ATRNL1: variants seen among roughly 807,000 people sequenced by gnomAD.
The protein encoded by ATRNL1 is attractin like 1.
A neutral mutation model predicts 182.7 loss-of-function variants in ATRNL1; 95 were observed. The ratio of observed to expected loss-of-function variants is 0.52; its 90% CI spans 0.44 to 0.62. The LOEUF (loss-of-function observed/expected upper bound fraction) is 0.62. Ranked by LOEUF, ATRNL1 falls within the 20% of genes least tolerant of loss-of-function variation. The pLI, the probability that ATRNL1 is intolerant of heterozygous loss-of-function variation, is 0.00. For missense variants in ATRNL1, 1,471 were observed against 1,679.5 expected (o/e 0.88, Z 2.17); for synonymous variants, 576 against 568.3 (o/e 1.01, Z -0.19).
intron 5 of ATRNL1, among the ~76,000 whole-genome samples, chr10:115,157,849 T>C (rs1170421087): frequency 6.6e-6 from 1 of 152,112 alleles, no homozygotes; most frequent in Non-Finnish European, 1.5e-5. Context: ...TTCTGCAGTA[T>C]TTTGCTTTAA....
chr10:115,512,222 G>A (rs1219186277), intron 24 of ATRNL1, among the ~76,000 whole-genome samples: 1 of 151,856 alleles, frequency 6.6e-6, no homozygotes, highest in African/African-American at 2.4e-5. Flanking sequence ...CCCATACCCT[G>A]AGAAGATATA....
chr10:115,358,862 T>A (rs1210963225), intron 19 of ATRNL1, among the ~76,000 whole-genome samples: 2 of 151,700 alleles, frequency 1.3e-5, no homozygotes, highest in Non-Finnish European at 3.0e-5. Flanking sequence ...GTCCTACTTA[T>A]GTCTATTATT....
intron 9 of ATRNL1, among the ~76,000 whole-genome samples, chr10:115,224,030 G>C (rs1849598264): frequency 6.7e-6 from 1 of 148,370 alleles, no homozygotes; most frequent in East Asian, 2.0e-4. Flanking sequence ...CTGCCTCTCA[G>C]GTTCAAGCAA....
At chr10:115,820,860 C>T (rs541544877) in intron 27 of ATRNL1, among the ~76,000 whole-genome samples, 1 of 152,208 alleles carries the variant, frequency 6.6e-6, no homozygotes, top group East Asian at 1.9e-4. Flanking sequence ...CAAATCTCAT[C>T]TTGAATTGTA....
intron 27 of ATRNL1, among the ~76,000 whole-genome samples, chr10:115,770,357 A>G (rs1948959659): frequency 6.6e-6 from 1 of 152,162 alleles, no homozygotes; most frequent in Non-Finnish European, 1.5e-5. Flanking sequence ...GTACAGCAAT[A>G]AAACTCAAAG....
At chr10:115,727,398 A>G in intron 27 of ATRNL1, 43 bp downstream of exon 27, 1 of 1,424,126 alleles carries the variant, frequency 7.0e-7, no homozygotes, top group Non-Finnish European at 9.9e-7. Flanking sequence ...TGCTTTGCAT[A>G]TTTATTATAT....
At chr10:115,269,973 T>C (rs138124013) in intron 13 of ATRNL1, among the ~76,000 whole-genome samples, 1 of 152,098 alleles carries the variant, frequency 6.6e-6, no homozygotes, top group African/African-American at 2.4e-5. Flanking sequence ...TCTGTTGTTA[T>C]ATACTTTCCA....
rs139606033 is a variant in ATRNL1 at position 115,099,565 on chromosome 10, T to TTCTA, written c.293+5527_293+5530dup. ...TGTTCCCACCAGCAGTGAGTCAGTG[T>TTCTA]TCTATCTAGTTAATTTCACATCCAT... On this transcript the variant is annotated intron_variant, in intron 1 of 28. Coordinates refer to ENST00000355044, the MANE Select transcript of ATRNL1 (RefSeq NM_207303.4). Among the ~76,000 whole-genome samples, 1,300 of 152,312 alleles carry TTCTA rather than the reference T, an allele frequency of 8.5e-3. 8 individuals carry two copies. Among genetic ancestry groups the TTCTA allele is most frequent in the Non-Finnish European group, 0.014 (941 of 68,022 alleles).
At chr10:115,563,836 G>T (rs1555000594) in intron 26 of ATRNL1, among the ~76,000 whole-genome samples, 1 of 152,066 alleles carries the variant, frequency 6.6e-6, no homozygotes, top group African/African-American at 2.4e-5. Context: ...CAGATATTGT[G>T]CATACTCCAT....
chr10:115,134,543 A>G lies in ATRNL1; in HGVS notation c.829+5008A>G, dbSNP rs1306868085. On this transcript the variant is annotated intron_variant, in intron 5 of 28. Coordinates refer to ENST00000355044, the MANE Select transcript of ATRNL1 (RefSeq NM_207303.4). The stretch of plus-strand genomic sequence containing the variant: ...GGCTCTGAAATTGAGGCAATAATTA[A>G]TAGCTTACCAAGCAAAAAATGTCCA... Among the ~76,000 whole-genome samples the G allele has an allele frequency of 2.0e-5, 3 of 152,324 alleles. No homozygotes were observed. The East Asian group carries it at 5.8e-4, about 29-fold the overall frequency.
intron 26 of ATRNL1, among the ~76,000 whole-genome samples, chr10:115,628,981 C>A (rs1425299580): frequency 6.6e-6 from 1 of 152,042 alleles, no homozygotes; most frequent in African/African-American, 2.4e-5. Flanking sequence ...GTTTATCTCT[C>A]ATTTTTATTC....
chr10:115,471,512 T>C (rs782505420), intron 24 of ATRNL1, among the ~76,000 whole-genome samples: 1 of 151,154 alleles, frequency 6.6e-6, no homozygotes, highest in Non-Finnish European at 1.5e-5. Flanking sequence ...ACTTGTTATC[T>C]TTTGTATTTT....
chr10:115,275,342 C>T (rs1592365277), intron 13 of ATRNL1, among the ~76,000 whole-genome samples: 2 of 152,258 alleles, frequency 1.3e-5, no homozygotes, highest in East Asian at 3.9e-4. Flanking sequence ...TTTGGGTCTC[C>T]TGGAATTAAT....
intron 24 of ATRNL1, among the ~76,000 whole-genome samples, chr10:115,510,091 G>T (rs1417027965): frequency 2.6e-5 from 4 of 152,014 alleles, no homozygotes; most frequent in African/African-American, 9.7e-5. Flanking sequence ...GAGATGTACG[G>T]AATTGCTGCA....
chr10:115,269,751 T>A (rs1851761976), intron 13 of ATRNL1, among the ~76,000 whole-genome samples: 1 of 152,172 alleles, frequency 6.6e-6, no homozygotes, highest in South Asian at 2.1e-4. Flanking sequence ...TGAAAGTATC[T>A]ACTTGTTTTT....
chr10:115,400,168 T>C (rs1844497491), intron 20 of ATRNL1, among the ~76,000 whole-genome samples: 1 of 152,060 alleles, frequency 6.6e-6, no homozygotes, highest in Admixed American at 6.6e-5. Context: ...AAAACTCATA[T>C]GAAAAAAGTT....
intron 26 of ATRNL1, among the ~76,000 whole-genome samples, chr10:115,725,520 G>A (rs1453357225): frequency 6.6e-6 from 1 of 152,128 alleles, no homozygotes; most frequent in African/African-American, 2.4e-5. Flanking sequence ...ATGAGATGCC[G>A]TTTATATGCT....
chr10:115,751,064 T>A (rs141890937), intron 27 of ATRNL1, among the ~76,000 whole-genome samples: 1 of 151,954 alleles, frequency 6.6e-6, no homozygotes, highest in Non-Finnish European at 1.5e-5. Context: ...AGATGAAGAT[T>A]ATCCTGGATT....
At chr10:115,871,041 G>T (rs1210108829) in intron 28 of ATRNL1, among the ~76,000 whole-genome samples, 5 of 152,102 alleles carry the variant, frequency 3.3e-5, no homozygotes, top group African/African-American at 1.2e-4. Flanking sequence ...TAAAGCAATT[G>T]CTTGAGTTTT....
Sources: gnomAD v4.1 joint callset for allele counts (sites outside exome capture counted in the v4.1 genomes callset) on GRCh38, gnomAD v4.1.1 for gene constraint, MANE v1.5 for transcripts, NCBI Gene and HGNC (gene_info 2026-07-23, HGNC 2026-07-21) for gene names.